FHIT: variants seen among roughly 807,000 people sequenced by gnomAD.
The protein encoded by FHIT is fragile histidine triad diadenosine triphosphatase, also known as bis(5'-adenosyl)-triphosphatase.
A neutral mutation model predicts 17.9 loss-of-function variants in FHIT; 19 were observed. The ratio of observed to expected loss-of-function variants is 1.06; its 90% confidence interval spans 0.74 to 1.56. The LOEUF (loss-of-function observed/expected upper bound fraction) is 1.56. Among genes scored for constraint, FHIT ranks in the 40% most tolerant of loss-of-function variants. The probability of loss-of-function intolerance (pLI) is 0.00; values close to 1 mark genes in which losing one functional copy is unlikely to be tolerated. For missense variants in FHIT, 248 were observed against 189.2 expected, an observed-to-expected ratio of 1.31 and a Z score of -1.82; for synonymous variants, 81 against 69.7, an observed-to-expected ratio of 1.16 and a Z score of -0.81.
chr3:60,612,064 C>A (rs2038802132), intron 4 of FHIT, among the ~76,000 whole-genome samples: 1 of 152,112 alleles, frequency 6.6e-6, no homozygotes, highest in Non-Finnish European at 1.5e-5. Flanking sequence ...ACTGAACTGG[C>A]CCAGAAATAA....
chr3:60,966,810 T>C (rs993472755), intron 3 of FHIT, among the ~76,000 whole-genome samples: 1 of 152,176 alleles, frequency 6.6e-6, no homozygotes, highest in East Asian at 1.9e-4. Context: ...CTGAGAGATA[T>C]TTAGGTTGGT....
chr3:60,771,780 G>T (rs1553723113), intron 4 of FHIT, among the ~76,000 whole-genome samples: 1 of 152,162 alleles, frequency 6.6e-6, no homozygotes. Flanking sequence ...TTTCACATCA[G>T]CAGTGCTTCT....
chr3:60,314,887 T>C (rs569070902), intron 5 of FHIT, among the ~76,000 whole-genome samples: 1 of 152,132 alleles, frequency 6.6e-6, no homozygotes, highest in Non-Finnish European at 1.5e-5. Flanking sequence ...AGTTCAAGAA[T>C]AGCCTGGGCA....
At chr3:59,966,133 C>T (rs1707914970) in intron 7 of FHIT, among the ~76,000 whole-genome samples, 1 of 152,184 alleles carries the variant, frequency 6.6e-6, no homozygotes, top group Non-Finnish European at 1.5e-5. Flanking sequence ...TGAAGAATTA[C>T]AGCAGAGGTA....
At chr3:59,974,383 G>C (rs572383552) in intron 7 of FHIT, among the ~76,000 whole-genome samples, 1 of 152,302 alleles carries the variant, frequency 6.6e-6, no homozygotes, top group African/African-American at 2.4e-5. Flanking sequence ...GTGTTGGTTA[G>C]ATGCTTCATT....
chr3:60,386,185 T>G (rs1414926028), intron 5 of FHIT, among the ~76,000 whole-genome samples: 1 of 152,130 alleles, frequency 6.6e-6, no homozygotes, highest in Admixed American at 6.5e-5. Flanking sequence ...TGGTCTCTTC[T>G]GCCTCTGGAA....
At chr3:61,205,521 G>C (rs1477601768) in intron 1 of FHIT, among the ~76,000 whole-genome samples, 6 of 152,124 alleles carry the variant, frequency 3.9e-5, no homozygotes, top group Admixed American at 2.6e-4. Context: ...ATTCTAACTG[G>C]TGTGAGATGG....
At chr3:60,872,237 G>C (rs1704446456) in intron 3 of FHIT, among the ~76,000 whole-genome samples, 1 of 152,118 alleles carries the variant, frequency 6.6e-6, no homozygotes, top group Non-Finnish European at 1.5e-5. Context: ...TATCTCATGA[G>C]CGCTTGTTGC....
chr3:60,880,875 A>G (rs1553757825), intron 3 of FHIT, among the ~76,000 whole-genome samples: 2 of 152,210 alleles, frequency 1.3e-5, no homozygotes. Flanking sequence ...AGAACAAAGG[A>G]TATGCAAAAT....
At chr3:61,163,143 T>C (rs1271180375) in intron 2 of FHIT, among the ~76,000 whole-genome samples, 1 of 152,104 alleles carries the variant, frequency 6.6e-6, no homozygotes, top group Non-Finnish European at 1.5e-5. Flanking sequence ...TCTTCCCTCC[T>C]CCCCACTCCA....
At chr3:60,818,935 G>A (rs1480332454) in intron 4 of FHIT, among the ~76,000 whole-genome samples, 1 of 151,928 alleles carries the variant, frequency 6.6e-6, no homozygotes, top group African/African-American at 2.4e-5. Flanking sequence ...GGACCGATCT[G>A]TGCTTCCAAG....
At chr3:61,054,901 AC>A (rs1341005757) in intron 2 of FHIT, among the ~76,000 whole-genome samples, 1 of 151,406 alleles carries the variant, frequency 6.6e-6, no homozygotes. Context: ...TACTTTTCAG[AC>A]CCCCTTGTAC....
Position 60,842,857 on chromosome 3 carries a change from C to T in FHIT, c.-110-20846G>A, listed in dbSNP as rs140427696. 8.6e-5 allele frequency among the ~76,000 whole-genome samples: 13 copies of T among 151,912 alleles called. No individual in the cohort carries two copies. In the East Asian group the frequency reaches 2.5e-3, roughly 29 times the overall value. ...CGTACTACTGTGCTATCCATCCCAG[C>T]TGGGAAGACATGGTTCTTTATAGAA... On this transcript the variant is annotated intron_variant, in intron 3 of 9. Transcript: ENST00000492590.
rs373052520 is a variant in FHIT at position 60,663,982 on chromosome 3, C to T, written c.-17-127003G>A. ...TTTCATTTATTTCCAAACTGCATGC[C>T]TTCTATTTTCTTTTCTTGCCTTATT... On this transcript the variant is annotated intron_variant, in intron 4 of 9. Coordinates refer to ENST00000492590, the MANE Select transcript of FHIT (RefSeq NM_002012.4). Among the ~76,000 whole-genome samples, 3 of 151,944 alleles carry T rather than the reference C, an allele frequency of 2.0e-5. No individual in the cohort carries two copies. In the East Asian group the frequency reaches 5.8e-4, roughly 29 times the overall value.
At chr3:59,815,342 G>A (rs1193151747) in intron 8 of FHIT, among the ~76,000 whole-genome samples, 1 of 152,126 alleles carries the variant, frequency 6.6e-6, no homozygotes, top group African/African-American at 2.4e-5. Context: ...ATAACTAAAA[G>A]GGGAATTACC....
chr3:59,889,862 A>G (rs1347062356), intron 8 of FHIT, among the ~76,000 whole-genome samples: 1 of 152,202 alleles, frequency 6.6e-6, no homozygotes, highest in East Asian at 1.9e-4. Flanking sequence ...TTGGCTGGAA[A>G]AGGGTATTGT....
intron 4 of FHIT, among the ~76,000 whole-genome samples, chr3:60,537,853 T>G (rs2107601230): frequency 6.6e-6 from 1 of 152,290 alleles, no homozygotes; most frequent in South Asian, 2.1e-4. Flanking sequence ...AACTACTTCA[T>G]TTTTCTAATT....
intron 2 of FHIT, among the ~76,000 whole-genome samples, chr3:61,049,580 T>A (rs1559940960): frequency 6.6e-6 from 1 of 152,116 alleles, no homozygotes; most frequent in Non-Finnish European, 1.5e-5. Context: ...AGGACATATA[T>A]CATTATTTCC....
chr3:60,042,483 A>G (rs994766884), intron 5 of FHIT, among the ~76,000 whole-genome samples: 2 of 152,140 alleles, frequency 1.3e-5, no homozygotes, highest in Non-Finnish European at 2.9e-5. Flanking sequence ...GAGGACTGTG[A>G]AGGAGGATGT....
Sources: gnomAD v4.1 joint callset for allele counts (sites outside exome capture counted in the v4.1 genomes callset) on GRCh38, gnomAD v4.1.1 for gene constraint, MANE v1.5 for transcripts, NCBI Gene and HGNC (gene_info 2026-07-23, HGNC 2026-07-21) for gene names.